CCDC12: variants seen among roughly 807,000 people sequenced by gnomAD.
The protein encoded by CCDC12 is coiled-coil domain-containing protein 12.
Under a neutral mutation model 25.7 loss-of-function variants are expected in CCDC12, and 28 were observed. That is an observed-to-expected ratio of 1.09 (90% confidence interval 0.81 to 1.50). The LOEUF (loss-of-function observed/expected upper bound fraction) is 1.50. CCDC12 is among the 40% of genes most tolerant of loss of function. CCDC12 has a pLI of 0.00. For missense variants in CCDC12, 198 were observed against 210.0 expected (o/e 0.94, Z 0.35); for synonymous variants, 75 against 87.7 (o/e 0.86, Z 0.81).
intron 1 of CCDC12, among the ~76,000 whole-genome samples, chr3:46,943,779 T>C (rs1469346175): frequency 6.6e-6 from 1 of 152,220 alleles, no homozygotes; most frequent in Non-Finnish European, 1.5e-5. Context: ...GGGGCAGCAC[T>C]AGCTCTGCAG....
chr3:46,954,070 G>A (rs1285807379), intron 1 of CCDC12, among the ~76,000 whole-genome samples: 2 of 151,290 alleles, frequency 1.3e-5, no homozygotes, highest in Non-Finnish European at 2.9e-5. Context: ...AGACAGCTTC[G>A]TGTGGCACCC....
intron 1 of CCDC12, among the ~76,000 whole-genome samples, chr3:46,960,924 G>A (rs1474887862): frequency 2.6e-5 from 4 of 151,974 alleles, no homozygotes; most frequent in African/African-American, 9.7e-5. Context: ...ATGTATTGGT[G>A]TAAAGGGGTT....
At chr3:46,976,330 T>C in intron 1 of CCDC12, 1 of 1,287,304 alleles carries the variant, frequency 7.8e-7, no homozygotes, top group Non-Finnish European at 9.9e-7. Flanking sequence ...CATCTGAACC[T>C]ACAGGCAGCC....
chr3:46,938,751 G>A (rs1028145584), intron 2 of CCDC12, among the ~76,000 whole-genome samples: 1 of 151,736 alleles, frequency 6.6e-6, no homozygotes, highest in Admixed American at 6.6e-5. Flanking sequence ...GGGAGGCTGA[G>A]GTGGGAAGAT....
intron 1 of CCDC12, among the ~76,000 whole-genome samples, chr3:46,973,495 CAA>C (rs879353218): frequency 8.1e-6 from 1 of 122,948 alleles, no homozygotes; most frequent in African/African-American, 3.0e-5. Flanking sequence ...AACTCCATCT[CAA>C]AAAAAAAAAA....
chr3:46,975,226 C>T (rs974124834), intron 1 of CCDC12, among the ~76,000 whole-genome samples: 1 of 151,636 alleles, frequency 6.6e-6, no homozygotes, highest in Non-Finnish European at 1.5e-5. Flanking sequence ...CACTCTGTAA[C>T]CTAGGCTGGA....
In CCDC12 at chr3:46,923,614, T is replaced by G; in HGVS notation, c.299A>C (p.Glu100Ala). 1 of 1,600,650 alleles carries G rather than the reference T, an allele frequency of 6.2e-7. No homozygotes were observed. Among genetic ancestry groups the G allele is most frequent in the Non-Finnish European group, 8.5e-7 (1 of 1,172,970 alleles). The part of the protein sequence containing the change: ...LEAAKPEPVI[E>A]EVDLANLAPR... ...GGTGGTCCAGGCACTCACCACCTCC[T>G]CGATGACGGGCTCGGGCTTGGCGGC... The change falls in exon 4 of 7, where the codon GAG becomes GCG. Residue 100 changes from glutamate (E) to alanine (A), a missense_variant. Physicochemically the swap from Glu to Ala is moderately radical, Grantham distance 107 (BLOSUM62 -1). Coordinates refer to ENST00000683445, the MANE Select transcript of CCDC12 (RefSeq NM_001277074.2).
At chr3:46,980,007 G>A, upstream of CCDC12, 1 of 80,540 alleles carries the variant, frequency 1.2e-5, no homozygotes, top group Non-Finnish European at 2.5e-5. Context: ...CGCGCCGCTG[G>A]GGCCGCGTAG....
rs78206744 is a variant in CCDC12, at chr3:46,961,914, T to C, written c.96+14723A>G. Among the ~76,000 whole-genome samples, 781 of 152,102 alleles carry C rather than the reference T, an allele frequency of 5.1e-3. 7 individuals are homozygous for C. The highest frequency in any genetic ancestry group is 0.018 in the African/African-American group (748 of 41,484). On this transcript the variant is annotated intron_variant, in intron 1 of 6. Coordinates refer to ENST00000683445, the MANE Select transcript of CCDC12 (RefSeq NM_001277074.2). ...AATAGTGCCAAGTCACTGATACCCA[T>C]ATGGGGAGAAAAAGAATCTTGATCC...
chr3:46,960,580 G>C (rs1464346018), intron 1 of CCDC12, among the ~76,000 whole-genome samples: 1 of 152,256 alleles, frequency 6.6e-6, no homozygotes. Context: ...GCCCAGGAGT[G>C]TGGATGTTAC....
chr3:46,972,062 T>TAA (rs11453645), intron 1 of CCDC12, among the ~76,000 whole-genome samples: 11 of 151,944 alleles, frequency 7.2e-5, no homozygotes, highest in East Asian at 5.8e-4. Flanking sequence ...TTCACCTTAA[T>TAA]AAAAAAAATC....
At chr3:46,978,394 C>A (rs997216236), upstream of CCDC12, among the ~76,000 whole-genome samples, 78 of 152,306 alleles carry the variant, frequency 5.1e-4, no homozygotes, top group African/African-American at 1.8e-3. Flanking sequence ...CAACCAAGGT[C>A]TAGGAGTCTC....
chr3:46,941,131 G>T, intron 1 of CCDC12, 66 bp from the exon 2 acceptor site: 1 of 1,512,556 alleles, frequency 6.6e-7, no homozygotes. Flanking sequence ...ACGTGGCCCA[G>T]GGAGCTAAAG....
intron 2 of CCDC12, among the ~76,000 whole-genome samples, chr3:46,926,307 G>A (rs1448366484): frequency 6.6e-6 from 1 of 152,186 alleles, no homozygotes; most frequent in African/African-American, 2.4e-5. Flanking sequence ...CAAGACTGTT[G>A]AGAGTGGCCA....
rs775719531 is a variant in CCDC12, at chr3:46,921,793, T to C, written c.*264A>G. On this transcript the variant is annotated 3_prime_UTR_variant, in exon 7 of 7. Transcript: ENST00000683445. ...TTTTTTTTAGAAAGTTCAAAATATA[T>C]ACATATATACAGACATATGTACATC... 3 of 473,090 alleles carry C rather than the reference T, an allele frequency of 6.3e-6. No individual in the cohort carries two copies. The highest frequency in any genetic ancestry group is 1.1e-5 in the Non-Finnish European group (3 of 266,312). 29.3% of individuals were successfully genotyped at this position (473,090 alleles called of 1,614,324 possible). A position where few individuals can be genotyped will look rare whatever the true frequency, so the allele number is the denominator to read the frequency against.
intron 1 of CCDC12, chr3:46,976,365 C>A (rs770079001): frequency 3.7e-5 from 51 of 1,370,246 alleles, no homozygotes; most frequent in Non-Finnish European, 4.5e-5. Flanking sequence ...GAGCAACACC[C>A]GGGAAGCAGG....
chr3:46,954,339 T>C (rs1046942592), intron 1 of CCDC12, among the ~76,000 whole-genome samples: 2 of 152,326 alleles, frequency 1.3e-5, no homozygotes, highest in Admixed American at 1.3e-4. Context: ...AACCACTATG[T>C]GTTCACTTTC....
At chr3:46,925,432 G>A in intron 3 of CCDC12, 24 bp downstream of exon 3, 1 of 1,604,238 alleles carries the variant, frequency 6.2e-7, no homozygotes, top group Non-Finnish European at 8.5e-7. Flanking sequence ...AGGAAGCAGA[G>A]GTGGAGAGGG....
chr3:46,972,294 C>G (rs1258941427), intron 1 of CCDC12, among the ~76,000 whole-genome samples: 2 of 152,040 alleles, frequency 1.3e-5, no homozygotes, highest in Non-Finnish European at 2.9e-5. Flanking sequence ...CACAGTGAGA[C>G]CCCCATCTCT....
Sources: gnomAD v4.1 joint callset for allele counts (sites outside exome capture counted in the v4.1 genomes callset) on GRCh38, gnomAD v4.1.1 for gene constraint, MANE v1.5 for transcripts, NCBI Gene and HGNC (gene_info 2026-07-23, HGNC 2026-07-21) for gene names.